ATP2C2: variants seen among roughly 807,000 people sequenced by gnomAD.
The protein encoded by ATP2C2 is calcium-transporting ATPase type 2C member 2.
ATP2C2 carries 171 observed loss-of-function variants against 110.8 expected under a neutral mutation model. That is an observed-to-expected ratio of 1.54 (90% CI 1.36 to 1.75). The LOEUF (loss-of-function observed/expected upper bound fraction) is 1.75. Ranked by LOEUF, ATP2C2 falls within the 40% of genes most tolerant of loss-of-function variation. The pLI is 0.00. For synonymous variants in ATP2C2, 804 were observed against 508.4 expected (o/e 1.58, Z -7.82); for missense variants, 1,963 against 1,235.0 (o/e 1.59, Z -8.84).
chr16:84,369,311 C>T (rs781529447), intron 1 of ATP2C2, among the ~76,000 whole-genome samples: 24 of 152,106 alleles, frequency 1.6e-4, no homozygotes, highest in Non-Finnish European at 2.9e-4. Context: ...CATGAGGGAA[C>T]GAAGTGGCAA....
intron 23 of ATP2C2, chr16:84,459,711 G>C: frequency 1.2e-6 from 1 of 867,084 alleles, no homozygotes; most frequent in Admixed American, 2.3e-5. Flanking sequence ...TTCCCTGATT[G>C]CACTCCCACT....
intron 6 of ATP2C2, among the ~76,000 whole-genome samples, chr16:84,411,663 A>G (rs933301608): frequency 5.0e-4 from 76 of 152,064 alleles, no homozygotes; most frequent in African/African-American, 1.8e-3. Flanking sequence ...GCTCGTCTCG[A>G]CCTCCTGACC....
chr16:84,446,334 C>T lies in ATP2C2; in HGVS notation c.1407C>T (p.Asp469=), dbSNP rs971514062. ...GALMALAMKM[D]LSDIKNSYIR... ...GTGTCATTTTATTATGCTAGATGGACTTAAGTGATATTAAAAATTCATATA... is the reference window on the plus strand; with the variant it reads ...GTGTCATTTTATTATGCTAGATGGATTTAAGTGATATTAAAAATTCATATA... The change falls in exon 16 of 27, where the codon GAC becomes GAT. Residue 469 remains aspartate (D), a synonymous_variant. Transcript: ENST00000262429. 2 of 1,572,454 alleles carry T rather than the reference C, an allele frequency of 1.3e-6. No homozygotes were observed.
intron 9 of ATP2C2, among the ~76,000 whole-genome samples, 179 bp from the exon 10 acceptor site, chr16:84,423,009 A>G (rs1408332136): frequency 1.3e-5 from 2 of 152,140 alleles, no homozygotes; most frequent in African/African-American, 4.8e-5. Context: ...TGATAAAGAT[A>G]CAGCTTTCAG....
intron 20 of ATP2C2, 54 bp from the exon 21 acceptor site, chr16:84,454,764 G>C: frequency 6.6e-7 from 1 of 1,513,774 alleles, no homozygotes; most frequent in Non-Finnish European, 8.8e-7. Context: ...GCATGGCCGG[G>C]CACTGGGAGG....
Position 84,455,118 on chromosome 16 carries a change from G to A in ATP2C2, c.2147+134G>A, listed in dbSNP as rs1048435605. 1.2e-4 allele frequency: 148 copies of A among 1,201,396 alleles called. 1 individual carries two copies. Among genetic ancestry groups the A allele is most frequent in the Admixed American group, 7.5e-4 (29 of 38,622 alleles). 74.4% of individuals were successfully genotyped at this position (1,201,396 alleles called of 1,614,324 possible). ...CAGGGAGAGCTGAATCTCGGGGCTC[G>A]TCAGTGTGGCAGGTGCCCCCAACCC... On this transcript the variant is annotated intron_variant, in intron 21 of 26. Coordinates refer to ENST00000262429, the MANE Select transcript of ATP2C2 (RefSeq NM_014861.4).
At chr16:84,408,518 C>T (rs1013089796) in intron 4 of ATP2C2, 24 bp downstream of exon 4, 11 of 1,596,602 alleles carry the variant, frequency 6.9e-6, no homozygotes, top group Non-Finnish European at 9.4e-6. Flanking sequence ...CAGCGCTCGG[C>T]TCCCGGGCGG....
intron 20 of ATP2C2, among the ~76,000 whole-genome samples, chr16:84,453,936 G>T (rs911381140): frequency 6.6e-6 from 1 of 152,068 alleles, no homozygotes; most frequent in African/African-American, 2.4e-5. Flanking sequence ...TGCCTCCCAG[G>T]GTTAAGCGAT....
At chr16:84,412,836 C>G (rs1906497535) in intron 6 of ATP2C2, among the ~76,000 whole-genome samples, 1 of 152,072 alleles carries the variant, frequency 6.6e-6, no homozygotes, top group Admixed American at 6.5e-5. Context: ...TGGCTCACAC[C>G]TGTAATCCCA....
Position 84,385,984 on chromosome 16 carries a change from C to A in ATP2C2, c.100-12515C>A, listed in dbSNP as rs141999169. Among the ~76,000 whole-genome samples, 114 of 152,320 alleles carry A rather than the reference C, an allele frequency of 7.5e-4. 1 individual carries two copies. The highest frequency in any genetic ancestry group is 5.9e-5 in the Non-Finnish European group (4 of 68,028). ...ACTATCAATATTTATTTTGATGCTT[C>A]ATTGTCTTAATTTGGCCAACGGGAA... On this transcript the variant is annotated intron_variant, in intron 1 of 26. Coordinates refer to ENST00000262429, the MANE Select transcript of ATP2C2 (RefSeq NM_014861.4).
intron 11 of ATP2C2, among the ~76,000 whole-genome samples, chr16:84,431,910 G>C (rs1908315155): frequency 6.6e-6 from 1 of 152,120 alleles, no homozygotes; most frequent in South Asian, 2.1e-4. Context: ...TGGGAGGAAG[G>C]GGGCACTGGA....
intron 16 of ATP2C2, among the ~76,000 whole-genome samples, chr16:84,446,730 G>C (rs1212533229): frequency 1.3e-5 from 2 of 152,110 alleles, no homozygotes; most frequent in Admixed American, 6.6e-5. Flanking sequence ...TGAGTCGAAG[G>C]GTCCAGGGGT....
intron 1 of ATP2C2, among the ~76,000 whole-genome samples, chr16:84,390,219 CG>C (rs1348446180): frequency 1.3e-5 from 2 of 152,192 alleles, no homozygotes; most frequent in Non-Finnish European, 2.9e-5. Context: ...AACCGAATCC[CG>C]GGGCTGGACG....
chr16:84,396,270 G>T (rs1335382157), intron 1 of ATP2C2, among the ~76,000 whole-genome samples: 1 of 152,068 alleles, frequency 6.6e-6, no homozygotes, highest in Non-Finnish European at 1.5e-5. Context: ...TTCGAGCCAG[G>T]TGCAGTGGCT....
chr16:84,425,914 G>C, intron 11 of ATP2C2, 113 bp downstream of exon 11: 2 of 1,312,272 alleles, frequency 1.5e-6, no homozygotes, highest in Non-Finnish European at 2.2e-6. Context: ...TTGGGAAGGT[G>C]CAGCCCCGTC....
chr16:84,387,816 G>C (rs12445644), intron 1 of ATP2C2, among the ~76,000 whole-genome samples: 22,143 of 152,084 alleles, frequency 0.15, 2,108 homozygotes, highest in East Asian at 0.42. Context: ...ACTGGGTGTG[G>C]TGGCTGATGC....
rs140981946 is a variant in ATP2C2 at position 84,371,939 on chromosome 16, G to A, written c.99+3225G>A. Among the ~76,000 whole-genome samples the A allele has an allele frequency of 1.9e-3, 294 of 152,342 alleles. 1 individual carries two copies. The highest frequency in any genetic ancestry group is 6.9e-3 in the African/African-American group (287 of 41,574). ...ACCAGGAGGCAGAGACAGGCACCCA[G>A]CAACTGGTCACAGTTCACTGTTTAA... On this transcript the variant is annotated intron_variant, in intron 1 of 26. Transcript: ENST00000262429.
At chr16:84,461,545 G>A in intron 24 of ATP2C2, 169 bp from the exon 25 acceptor site, 2 of 693,250 alleles carry the variant, frequency 2.9e-6, no homozygotes, top group East Asian at 2.5e-5. Context: ...GAGACCCTGG[G>A]GTAGCAGCCA....
At chr16:84,399,192 G>C (rs2151417474) in intron 2 of ATP2C2, among the ~76,000 whole-genome samples, 1 of 152,298 alleles carries the variant, frequency 6.6e-6, no homozygotes, top group African/African-American at 2.4e-5. Context: ...ACTACATTTT[G>C]GGAAAGCAAA....
Sources: allele counts gnomAD v4.1 joint callset (sites outside exome capture counted in the v4.1 genomes callset), GRCh38; gene constraint gnomAD v4.1.1; transcripts MANE v1.5; gene names NCBI Gene and HGNC (gene_info 2026-07-23, HGNC 2026-07-21).